The following EYA3 variants were observed in gnomAD, a reference collection of about 807,000 sequenced individuals.
The protein encoded by EYA3 is EYA transcriptional coactivator and phosphatase 3.
In EYA3, 39 loss-of-function variants were observed where a neutral mutation model predicts 80.0. The ratio of observed to expected loss-of-function variants is 0.49; its 90% confidence interval spans 0.38 to 0.64. The LOEUF (loss-of-function observed/expected upper bound fraction) is 0.64, where lower values mean the gene tolerates loss of function less well. Among genes scored for constraint, EYA3 ranks in the 30% least tolerant of loss-of-function variants. The pLI, the probability that EYA3 is intolerant of heterozygous loss-of-function variation, is 0.00. For synonymous variants in EYA3, 206 were observed against 232.8 expected (o/e 0.88, Z 1.05); for missense variants, 523 against 676.1 (o/e 0.77, Z 2.51).
At chr1:28,065,293 A>C (rs909905770) in intron 1 of EYA3, among the ~76,000 whole-genome samples, 18 of 152,044 alleles carry the variant, frequency 1.2e-4, no homozygotes, top group African/African-American at 4.3e-4. Flanking sequence ...TTTCTTTTTG[A>C]GATGGAGTCT....
At chr1:28,082,047 T>G (rs1352649955) in intron 1 of EYA3, among the ~76,000 whole-genome samples, 1 of 152,240 alleles carries the variant, frequency 6.6e-6, no homozygotes, top group East Asian at 1.9e-4. Flanking sequence ...ATTATCATCA[T>G]AGCAAAGCTT....
chr1:28,014,696 C>A, intron 8 of EYA3, among the ~76,000 whole-genome samples: 1 of 150,998 alleles, frequency 6.6e-6, no homozygotes, highest in Non-Finnish European at 1.5e-5. Context: ...CCACTGCATT[C>A]CAGACTGGGC....
intron 1 of EYA3, among the ~76,000 whole-genome samples, chr1:28,064,979 A>C (rs1311911228): frequency 6.6e-6 from 1 of 152,272 alleles, no homozygotes; most frequent in Admixed American, 6.5e-5. Context: ...GATAATAGTG[A>C]TGATGACTGC....
intron 1 of EYA3, among the ~76,000 whole-genome samples, chr1:28,079,412 T>C (rs906031292): frequency 4.6e-5 from 7 of 152,216 alleles, no homozygotes; most frequent in Non-Finnish European, 8.8e-5. Flanking sequence ...GTCCTCTTTT[T>C]TTGGTTTACA....
At chr1:27,978,550 G>T in intron 16 of EYA3, 76 bp from the exon 17 acceptor site, 1 of 1,241,216 alleles carries the variant, frequency 8.1e-7, no homozygotes, top group Non-Finnish European at 1.2e-6. Flanking sequence ...CTGCTGCTAG[G>T]TTCACCTGCC....
chr1:27,981,504 C>T (rs188296583), intron 16 of EYA3, among the ~76,000 whole-genome samples: 4 of 152,180 alleles, frequency 2.6e-5, no homozygotes, highest in Admixed American at 1.3e-4. Flanking sequence ...CTGAAGGGAG[C>T]GCTTTCATAT....
intron 1 of EYA3, among the ~76,000 whole-genome samples, chr1:28,085,238 T>A (rs552474643): frequency 6.6e-5 from 10 of 152,094 alleles, no homozygotes; most frequent in African/African-American, 2.4e-4. Flanking sequence ...ATTGCTTGAG[T>A]CCAGGAGTTT....
chr1:28,002,918 G>A (rs926090432), intron 11 of EYA3, among the ~76,000 whole-genome samples: 4 of 151,648 alleles, frequency 2.6e-5, no homozygotes, highest in African/African-American at 7.3e-5. Context: ...GCTGGAGTTC[G>A]AGTCCAGCCT....
rs56017264 is a variant in EYA3 at position 28,020,667 on chromosome 1, C to CGTGTGTGTGTGTGTGTGT, written c.500-3446_500-3429dup. On this transcript the variant is annotated intron_variant, in intron 7 of 17. Coordinates refer to ENST00000373871, the MANE Select transcript of EYA3 (RefSeq NM_001990.4). ...GCACTTTTAAAAAAATACAGATCAT[C>CGTGTGTGTGTGTGTGTGT]GTGTGTGTGTGTGTGTGTGTGTGTG... is the stretch of plus-strand genomic sequence containing the variant. Among the ~76,000 whole-genome samples the CGTGTGTGTGTGTGTGTGT allele has an allele frequency of 3.1e-3, 423 of 134,534 alleles. 6 individuals are homozygous for CGTGTGTGTGTGTGTGTGT. Among genetic ancestry groups the CGTGTGTGTGTGTGTGTGT allele is most frequent in the Non-Finnish European group, 3.6e-3 (228 of 63,268 alleles). 88.3% of individuals were successfully genotyped at this position (134,534 alleles called of 152,430 possible).
intron 16 of EYA3, among the ~76,000 whole-genome samples, chr1:27,985,181 G>A (rs1178405706): frequency 1.3e-5 from 2 of 151,682 alleles, no homozygotes; most frequent in Non-Finnish European, 2.9e-5. Flanking sequence ...GGGCTCAAGC[G>A]ATTGTCCCAC....
At chr1:27,988,392 C>A (rs1639807500) in intron 16 of EYA3, 143 bp downstream of exon 16, 2 of 900,234 alleles carry the variant, frequency 2.2e-6, no homozygotes, top group South Asian at 4.4e-5. Context: ...AATTGCATTA[C>A]TGAAAATATT....
intron 1 of EYA3, among the ~76,000 whole-genome samples, chr1:28,083,377 G>A (rs1004982321): frequency 7.2e-5 from 11 of 152,134 alleles, no homozygotes; most frequent in African/African-American, 2.4e-4. Context: ...AAAATTAGCC[G>A]GGCTTGGTGG....
intron 7 of EYA3, among the ~76,000 whole-genome samples, chr1:28,021,709 T>C (rs1435505179): frequency 1.3e-5 from 2 of 152,020 alleles, no homozygotes; most frequent in Admixed American, 6.6e-5. Flanking sequence ...GTTCAGGCGA[T>C]TCTCGTGCCT....
At chr1:28,008,468 T>C (rs1641455386) in intron 10 of EYA3, among the ~76,000 whole-genome samples, 1 of 151,794 alleles carries the variant, frequency 6.6e-6, no homozygotes, top group Non-Finnish European at 1.5e-5. Context: ...TCCTAAACAT[T>C]AAAAATTTTT....
In EYA3 at chr1:28,058,005, G is replaced by C; in HGVS notation, c.22C>G (p.Pro8Ala). MEEEQDL[P>A]EQPVKKAKMQ... Reference sequence around the variant, plus strand: ...AAGGAAATACTTACTGGTTGCTCTGGTAAATCTTGCTCTTCTTCCATGAGG... The same window carrying C: ...AAGGAAATACTTACTGGTTGCTCTGCTAAATCTTGCTCTTCTTCCATGAGG... Residue 8 changes from proline to alanine, a missense_variant, in exon 2 of 18, where the codon CCA becomes GCA. Around this residue, in one of 2 missense-constraint regions of EYA3, gnomAD observed 304 missense variants for 343.3 expected, o/e 0.89. Transcript: ENST00000373871. 2 of 1,586,234 alleles carry C rather than the reference G, an allele frequency of 1.3e-6. No homozygotes were observed. Among genetic ancestry groups the C allele is most frequent in the Non-Finnish European group, 1.7e-6 (2 of 1,161,978 alleles).
At chr1:28,033,209 A>G (rs1474768350) in intron 6 of EYA3, among the ~76,000 whole-genome samples, 1 of 152,200 alleles carries the variant, frequency 6.6e-6, no homozygotes, top group Admixed American at 6.5e-5. Flanking sequence ...CTTGATTTCG[A>G]AAGAAAGAAA....
chr1:28,019,832 C>T (rs549188793), intron 7 of EYA3, among the ~76,000 whole-genome samples: 60 of 152,130 alleles, frequency 3.9e-4, no homozygotes, highest in African/African-American at 1.3e-3. Flanking sequence ...TCCCAGGTAG[C>T]TGAGATTACA....
chr1:28,061,648 G>A (rs1384081718), intron 1 of EYA3, among the ~76,000 whole-genome samples: 1 of 150,936 alleles, frequency 6.6e-6, no homozygotes, highest in Non-Finnish European at 1.5e-5. Flanking sequence ...CGCCCAGGCT[G>A]GAGTGCAGTG....
At chr1:28,031,841 T>C (rs970713589) in intron 6 of EYA3, 13 of 152,214 alleles carry the variant, frequency 8.5e-5, no homozygotes, top group African/African-American at 3.1e-4. Flanking sequence ...AGCCACTTTT[T>C]TTGCTTCCAA....
Sources: gnomAD v4.1 joint callset for allele counts (sites outside exome capture counted in the v4.1 genomes callset) on GRCh38, gnomAD v4.1.1 for gene constraint, gnomAD v4.1.1 regional missense constraint, MANE v1.5 for transcripts, NCBI Gene and HGNC (gene_info 2026-07-23, HGNC 2026-07-21) for gene names.